Variants in CCDC148 observed in about 807,000 individuals in gnomAD.
CCDC148 encodes coiled-coil domain containing 148, also known as coiled-coil domain-containing protein 148.
CCDC148 carries 89 observed loss-of-function variants against 85.7 expected under a neutral mutation model. That is an observed-to-expected ratio of 1.04 (90% CI 0.87 to 1.24). The LOEUF is 1.24. Ranked by LOEUF, CCDC148 falls within the 50% of genes most tolerant of loss-of-function variation. The pLI is 0.00. For missense variants in CCDC148, 692 were observed against 671.7 expected (o/e 1.03, Z -0.33); for synonymous variants, 230 against 213.9 (o/e 1.08, Z -0.66).
At chr2:158,201,922 T>C (rs915973719) in intron 11 of CCDC148, among the ~76,000 whole-genome samples, 3 of 152,188 alleles carry the variant, frequency 2.0e-5, no homozygotes, top group African/African-American at 7.2e-5. Flanking sequence ...CTCAGTTAAT[T>C]CATGTCAATG....
intron 1 of CCDC148, among the ~76,000 whole-genome samples, chr2:158,385,653 C>G (rs1685055152): frequency 6.6e-6 from 1 of 152,010 alleles, no homozygotes; most frequent in African/African-American, 2.4e-5. Flanking sequence ...AAGGTATACA[C>G]AAAGATATAT....
intron 9 of CCDC148, among the ~76,000 whole-genome samples, chr2:158,279,603 C>T (rs1042881441): frequency 6.6e-6 from 1 of 152,136 alleles, no homozygotes; most frequent in African/African-American, 2.4e-5. Flanking sequence ...ATGAACAAAG[C>T]CTCCAAGAAA....
chr2:158,324,640 T>G (rs929889359), intron 7 of CCDC148, among the ~76,000 whole-genome samples: 3 of 152,200 alleles, frequency 2.0e-5, no homozygotes, highest in Non-Finnish European at 2.9e-5. Flanking sequence ...AGATTTTTGA[T>G]GACATGGTGT....
intron 1 of CCDC148, among the ~76,000 whole-genome samples, chr2:158,376,715 G>C (rs954493724): frequency 6.6e-6 from 1 of 151,806 alleles, no homozygotes; most frequent in South Asian, 2.1e-4. Context: ...AACGCAGAGG[G>C]AACAAAAAGA....
chr2:158,394,698 C>T (rs74970153), intron 1 of CCDC148, among the ~76,000 whole-genome samples: 26,841 of 151,814 alleles, frequency 0.18, 3,106 homozygotes, highest in Non-Finnish European at 0.25. Flanking sequence ...CTTGGAGAGT[C>T]GGCCCCTCCT....
chr2:158,205,956 T>C (rs944831568), intron 11 of CCDC148, among the ~76,000 whole-genome samples: 1 of 152,134 alleles, frequency 6.6e-6, no homozygotes, highest in African/African-American at 2.4e-5. Context: ...AGCACAATCA[T>C]GCCTTCTTTG....
chr2:158,315,501 A>G (rs1385220502), intron 7 of CCDC148, among the ~76,000 whole-genome samples: 1 of 152,072 alleles, frequency 6.6e-6, no homozygotes, highest in African/African-American at 2.4e-5. Context: ...AAAAGTTTGA[A>G]TTTCCACCTT....
At chr2:158,194,714 T>G (rs1002980974) in intron 11 of CCDC148, among the ~76,000 whole-genome samples, 1 of 152,124 alleles carries the variant, frequency 6.6e-6, no homozygotes, top group African/African-American at 2.4e-5. Flanking sequence ...GATAGAAAAT[T>G]GTTATAGTGA....
chr2:158,401,078 T>C (rs1037164099), intron 1 of CCDC148, among the ~76,000 whole-genome samples: 1 of 152,130 alleles, frequency 6.6e-6, no homozygotes, highest in South Asian at 2.1e-4. Context: ...TGTGGAGAAA[T>C]AGGAACGCTT....
At chr2:158,401,607 G>C (rs1035327586) in intron 1 of CCDC148, among the ~76,000 whole-genome samples, 6 of 151,850 alleles carry the variant, frequency 4.0e-5, no homozygotes, top group Admixed American at 3.3e-4. Context: ...TGAGTTGATG[G>C]GTGCAGCAAA....
At chr2:158,421,801 C>A (rs1686798156) in intron 1 of CCDC148, among the ~76,000 whole-genome samples, 1 of 151,982 alleles carries the variant, frequency 6.6e-6, no homozygotes, top group Non-Finnish European at 1.5e-5. Context: ...AATCCGGGAG[C>A]TGGTTTGTTG....
At chr2:158,310,833 G>A (rs1304629036) in intron 8 of CCDC148, among the ~76,000 whole-genome samples, 1 of 148,446 alleles carries the variant, frequency 6.7e-6, no homozygotes, top group Non-Finnish European at 1.5e-5. Flanking sequence ...TCACTTCCTA[G>A]ATGGGATGAC....
At chr2:158,188,430 T>A (rs952587515) in intron 11 of CCDC148, among the ~76,000 whole-genome samples, 6 of 151,292 alleles carry the variant, frequency 4.0e-5, no homozygotes, top group African/African-American at 9.8e-5. Context: ...ATATTTTTTT[T>A]AAATATGTGT....
chr2:158,260,759 T>A (rs750437602), intron 9 of CCDC148, among the ~76,000 whole-genome samples: 10 of 151,936 alleles, frequency 6.6e-5, no homozygotes, highest in Non-Finnish European at 1.5e-4. Context: ...TGCAATCTGA[T>A]TCACAATTGT....
intron 1 of CCDC148, among the ~76,000 whole-genome samples, chr2:158,450,632 T>A (rs1688368849): frequency 6.6e-6 from 1 of 152,216 alleles, no homozygotes; most frequent in African/African-American, 2.4e-5. Flanking sequence ...CCTTTTACTA[T>A]CCTCTAGTTT....
Position 158,180,510 on chromosome 2 carries a change from G to A in CCDC148, c.1371-1514C>T, listed in dbSNP as rs143439998. Among the ~76,000 whole-genome samples, 295 of 152,234 alleles carry A rather than the reference G, an allele frequency of 1.9e-3. 2 individuals are homozygous for A. The highest frequency in any genetic ancestry group is 6.7e-3 in the African/African-American group (280 of 41,566). The stretch of plus-strand genomic sequence containing the variant: ...ACGGAGGAGGCAGTATCTGAGCAGG[G>A]TCTTGAGGATTAGGATTCCAGGCAG... On this transcript the variant is annotated intron_variant, in intron 11 of 13. Transcript: ENST00000283233.
intron 1 of CCDC148, among the ~76,000 whole-genome samples, chr2:158,373,373 C>T (rs1250913213): frequency 6.6e-6 from 1 of 152,016 alleles, no homozygotes; most frequent in East Asian, 1.9e-4. Flanking sequence ...TTGTTTAAGT[C>T]ACTAAGGTTG....
intron 1 of CCDC148, among the ~76,000 whole-genome samples, chr2:158,403,608 T>G (rs1182824132): frequency 6.6e-6 from 1 of 151,862 alleles, no homozygotes; most frequent in Non-Finnish European, 1.5e-5. Flanking sequence ...AATGCACCCA[T>G]CAAACTAAAC....
intron 9 of CCDC148, among the ~76,000 whole-genome samples, chr2:158,278,266 C>T (rs1046781572): frequency 5.3e-5 from 8 of 152,056 alleles, no homozygotes; most frequent in African/African-American, 1.7e-4. Flanking sequence ...GAGTGCCAGA[C>T]AGTGGGTGCA....
Sources: gnomAD v4.1 joint callset for allele counts (sites outside exome capture counted in the v4.1 genomes callset) on GRCh38, gnomAD v4.1.1 for gene constraint, MANE v1.5 for transcripts, NCBI Gene and HGNC (gene_info 2026-07-23, HGNC 2026-07-21) for gene names.